The following PKP2 variants were observed in gnomAD, a reference collection of about 807,000 sequenced individuals.
PKP2 encodes plakophilin-2.
In PKP2, 73 loss-of-function variants were observed where a neutral mutation model predicts 83.4. The observed-to-expected ratio is 0.88, with a 90% CI of 0.72 to 1.06. The LOEUF (loss-of-function observed/expected upper bound fraction) is 1.06. Among genes scored for constraint, PKP2 ranks in the 50% least tolerant of loss-of-function variants. The pLI is 0.00. For synonymous variants in PKP2, 409 were observed against 430.4 expected (o/e 0.95, Z 0.62); for missense variants, 966 against 1,065.4 (o/e 0.91, Z 1.30).
intron 1 of PKP2, among the ~76,000 whole-genome samples, chr12:32,890,074 CA>C (rs55957473): frequency 1.5e-3 from 98 of 63,990 alleles, no homozygotes; most frequent in Middle Eastern, 8.9e-3. Context: ...GACTCCATCT[CA>C]AAAAAAAAAA....
In PKP2 at chr12:32,794,788, TG is replaced by T. The variant is rs533535087; in HGVS notation, c.2357+1320del. ...GCCTCTGGGGATGGGTGAATATTCT[TG>T]GGGAACTGACACTCCAGCCAGTGCT... On this transcript the variant is annotated intron_variant, in intron 11 of 12. Coordinates refer to ENST00000340811, the MANE Select transcript of PKP2 (RefSeq NM_001005242.3). 1.8e-3 allele frequency among the ~76,000 whole-genome samples: 276 copies of T among 152,316 alleles called. 1 individual carries two copies. The highest frequency in any genetic ancestry group is 6.4e-3 in the African/African-American group (265 of 41,572).
At chr12:32,806,417 C>T (rs775487284) in intron 9 of PKP2, among the ~76,000 whole-genome samples, 18 of 152,032 alleles carry the variant, frequency 1.2e-4, no homozygotes, top group Non-Finnish European at 2.2e-4. Context: ...CTAAGGGATT[C>T]GATTTCTTCT....
At chr12:32,810,618 C>A (rs1039190455) in intron 9 of PKP2, among the ~76,000 whole-genome samples, 3 of 152,046 alleles carry the variant, frequency 2.0e-5, no homozygotes, top group African/African-American at 7.3e-5. Flanking sequence ...TAAGGATACT[C>A]TGGTCACATG....
Position 32,877,871 on chromosome 12 carries a change from TTC to T in PKP2, c.1007_1008del (p.Arg336LysfsTer5), listed in dbSNP as rs1225673137. The T allele has an allele frequency of 6.2e-7, 1 of 1,613,778 alleles. No individual in the cohort carries two copies. Among genetic ancestry groups the T allele is most frequent in the East Asian group, 2.2e-5 (1 of 44,884 alleles). ...CCCAGCTGGGAGTCAGTGAAAGTGC[TTC>T]TCTCAGTGAGCAGATTCCCACTTCC... The part of the protein sequence containing the change: ...AGGSGNLLTE[R>X]STFTDSQLGN... On this transcript the variant is annotated frameshift_variant, in exon 3 of 13. Transcript: ENST00000340811. LOFTEE classifies it high-confidence loss of function.
chr12:32,808,112 G>C (rs946789644), intron 9 of PKP2, among the ~76,000 whole-genome samples: 1 of 152,174 alleles, frequency 6.6e-6, no homozygotes, highest in African/African-American at 2.4e-5. Flanking sequence ...ATATACTAAA[G>C]TATGTTTTCC....
intron 1 of PKP2, among the ~76,000 whole-genome samples, chr12:32,889,858 A>G (rs568387473): frequency 2.0e-5 from 3 of 152,104 alleles, no homozygotes; most frequent in South Asian, 2.1e-4. Flanking sequence ...AGGCGGGTGG[A>G]TCGGTCAGGA....
intron 1 of PKP2, among the ~76,000 whole-genome samples, chr12:32,892,299 C>A (rs1957080772): frequency 6.6e-6 from 1 of 150,972 alleles, no homozygotes; most frequent in African/African-American, 2.4e-5. Context: ...ATTTTCAATT[C>A]TCTCTCCAGA....
intron 9 of PKP2, chr12:32,820,976 C>G (rs1956370373): frequency 2.1e-5 from 6 of 279,310 alleles, no homozygotes; most frequent in South Asian, 1.9e-4. Flanking sequence ...GAGAACAAAC[C>G]CAGCAGAGGA....
intron 5 of PKP2, among the ~76,000 whole-genome samples, chr12:32,843,900 G>C (rs1019284182): frequency 3.3e-5 from 5 of 152,158 alleles, no homozygotes; most frequent in African/African-American, 1.2e-4. Flanking sequence ...AAAAACAAAA[G>C]CTTCTTTAGT....
intron 4 of PKP2, among the ~76,000 whole-genome samples, 163 bp downstream of exon 4, chr12:32,868,764 C>T (rs1592758820): frequency 6.6e-6 from 1 of 151,320 alleles, no homozygotes; most frequent in South Asian, 2.1e-4. Flanking sequence ...CCTTGTGATC[C>T]ACCTGCCTCG....
At position 32,838,824 on chromosome 12, in the gene PKP2, G is replaced by A. The variant is rs118012748; in HGVS notation, c.1556+2204C>T. Among the ~76,000 whole-genome samples the A allele has an allele frequency of 8.9e-3, 1,352 of 152,328 alleles. 6 individuals are homozygous for A. Among genetic ancestry groups the A allele is most frequent in the South Asian group, 0.025 (121 of 4,828 alleles). On this transcript the variant is annotated intron_variant, in intron 6 of 12. Coordinates refer to ENST00000340811, the MANE Select transcript of PKP2 (RefSeq NM_001005242.3). Reference sequence around the variant, plus strand: ...ATATAACAGCAATGTGACAAAATCAGTAACAGTGGTGACTTGGCTATGAAC... The same window carrying A: ...ATATAACAGCAATGTGACAAAATCAATAACAGTGGTGACTTGGCTATGAAC...
chr12:32,821,133 T>C, intron 9 of PKP2: 1 of 544,976 alleles, frequency 1.8e-6, no homozygotes, highest in Non-Finnish European at 3.3e-6. Context: ...GAGGCAGGAT[T>C]CTGAGATCTG....
chr12:32,868,817 C>T (rs995278012), intron 4 of PKP2, 110 bp downstream of exon 4: 12 of 1,236,526 alleles, frequency 9.7e-6, no homozygotes, highest in African/African-American at 7.4e-5. Context: ...CCACCACGCA[C>T]GGTCCCAATT....
rs1417724491 is a variant in PKP2 at position 32,824,211 on chromosome 12, A to C, written c.1557-49T>G. 3 of 1,248,544 alleles carry C rather than the reference A, an allele frequency of 2.4e-6. No homozygotes were observed. In the African/African-American group the frequency reaches 4.4e-5, roughly 18 times the overall value. 77.3% of individuals were successfully genotyped at this position (1,248,544 alleles called of 1,614,324 possible). On this transcript the variant is annotated intron_variant, in intron 6 of 12. Transcript: ENST00000340811. Reference sequence around the variant, plus strand: ...AAAAGTAAGTCTAGGCTGTGTATCCAACAGGTCTTTGTTTTGAAGTTTTAC... The same window carrying C: ...AAAAGTAAGTCTAGGCTGTGTATCCCACAGGTCTTTGTTTTGAAGTTTTAC...
chr12:32,850,434 T>C (rs946138131), intron 5 of PKP2, among the ~76,000 whole-genome samples: 1 of 151,946 alleles, frequency 6.6e-6, no homozygotes, highest in African/African-American at 2.4e-5. Context: ...CCAGGTGTGG[T>C]AGCACATGCC....
rs1220762031 is a variant in PKP2, at chr12:32,847,720, A to G, written c.1378+3046T>C. Reference sequence around the variant, plus strand: ...ACTTTCATCCTCTTTCAAAACACCAATCCAAAGCCTATTCCTTTTTTAAGG... The same window carrying G: ...ACTTTCATCCTCTTTCAAAACACCAGTCCAAAGCCTATTCCTTTTTTAAGG... On this transcript the variant is annotated intron_variant, in intron 5 of 12. Transcript: ENST00000340811. Among the ~76,000 whole-genome samples, 4 of 152,076 alleles carry G rather than the reference A, an allele frequency of 2.6e-5. 1 individual carries two copies. In the South Asian group the frequency reaches 6.2e-4, roughly 24 times the overall value.
chr12:32,824,838 A>C (rs1379741171), intron 6 of PKP2, among the ~76,000 whole-genome samples: 1 of 152,216 alleles, frequency 6.6e-6, no homozygotes, highest in African/African-American at 2.4e-5. Context: ...TTCTATAAAC[A>C]GTAACTAAAC....
chr12:32,800,214 T>C (rs1338741086), intron 10 of PKP2, among the ~76,000 whole-genome samples: 1 of 152,234 alleles, frequency 6.6e-6, no homozygotes, highest in African/African-American at 2.4e-5. Flanking sequence ...TGTGGCATCT[T>C]GAAGCACATT....
At chr12:32,880,996 G>A (rs1177744860) in intron 1 of PKP2, among the ~76,000 whole-genome samples, 1 of 152,092 alleles carries the variant, frequency 6.6e-6, no homozygotes, top group Non-Finnish European at 1.5e-5. Context: ...ACAACACAGG[G>A]TGCTCCTTTC....
Sources: gnomAD v4.1 joint callset for allele counts (sites outside exome capture counted in the v4.1 genomes callset) on GRCh38, gnomAD v4.1.1 for gene constraint, MANE v1.5 for transcripts, NCBI Gene and HGNC (gene_info 2026-07-23, HGNC 2026-07-21) for gene names.